PRUNE2: variants seen among roughly 807,000 people sequenced by gnomAD.
PRUNE2 encodes the protein prune homolog 2 with BCH domain.
Under a neutral mutation model 252.0 loss-of-function variants are expected in PRUNE2, and 164 were observed. The observed-to-expected ratio is 0.65, with a 90% CI of 0.57 to 0.74. PRUNE2 has a LOEUF of 0.74. Among genes scored for constraint, PRUNE2 ranks in the 30% least tolerant of loss-of-function variants. The pLI is 0.00. For missense variants in PRUNE2, 3,495 were observed against 3,711.0 expected, an observed-to-expected ratio of 0.94 and a Z score of 1.51; for synonymous variants, 1,292 against 1,350.2, an observed-to-expected ratio of 0.96 and a Z score of 0.94.
chr9:76,619,381 G>C lies in PRUNE2; in HGVS notation c.9195C>G (p.Ser3065Arg), dbSNP rs1436861811. 2 of 1,605,480 alleles carry C rather than the reference G, an allele frequency of 1.2e-6. No individual in the cohort carries two copies. Among genetic ancestry groups the C allele is most frequent in the Non-Finnish European group, 1.7e-6 (2 of 1,174,846 alleles). The change falls in exon 18 of 19, where the codon AGC becomes AGG. Residue 3065 changes from serine (S) to arginine (R), a missense_variant. By Grantham distance (110) the Ser-to-Arg change is moderately radical (BLOSUM62 -1). Coordinates refer to ENST00000376718, the MANE Select transcript of PRUNE2 (RefSeq NM_015225.3). ...LREASEAAKT[S>R]CLYNDPEMSS... ...ACATTTCTGGATCATTGTAAAGGCAGCTAGTTCTGAGTGCAAGGAAAAAAT... is the reference window on the plus strand; with the variant it reads ...ACATTTCTGGATCATTGTAAAGGCACCTAGTTCTGAGTGCAAGGAAAAAAT...
chr9:76,787,643 G>A (rs2055128316), intron 6 of PRUNE2: 1 of 151,646 alleles, frequency 6.6e-6, no homozygotes, highest in South Asian at 2.1e-4. Context: ...ATTTTTTTAA[G>A]GTAGAAAATT....
chr9:76,699,222 A>G (rs1469222599), intron 9 of PRUNE2, among the ~76,000 whole-genome samples: 1 of 152,106 alleles, frequency 6.6e-6, no homozygotes, highest in Non-Finnish European at 1.5e-5. Flanking sequence ...TTTTCATATA[A>G]TTCAGATAGT....
chr9:76,714,691 G>A (rs564792195), intron 6 of PRUNE2, among the ~76,000 whole-genome samples: 172 of 152,256 alleles, frequency 1.1e-3, no homozygotes, highest in African/African-American at 3.8e-3. Context: ...GACCGCACCC[G>A]GTCCGGTCTT....
chr9:76,816,261 A>G (rs976262839), intron 6 of PRUNE2, among the ~76,000 whole-genome samples: 3 of 152,176 alleles, frequency 2.0e-5, no homozygotes, highest in Non-Finnish European at 2.9e-5. Context: ...ACCTACATAC[A>G]AATTGTAAAT....
intron 6 of PRUNE2, among the ~76,000 whole-genome samples, chr9:76,775,078 T>C (rs1178468917): frequency 6.6e-6 from 1 of 152,110 alleles, no homozygotes; most frequent in African/African-American, 2.4e-5. Flanking sequence ...GAAAAAAAAT[T>C]TGCCCTGTTA....
At chr9:76,838,645 CAAAAAAAAAAAA>C (rs10540002) in intron 4 of PRUNE2, among the ~76,000 whole-genome samples, 2 of 84,656 alleles carry the variant, frequency 2.4e-5, no homozygotes, top group Non-Finnish European at 4.9e-5. Context: ...AACTCTGTCT[CAAAAAAAAAAAA>C]AAAAAAAAAA....
chr9:76,758,113 A>C (rs2051330817), intron 6 of PRUNE2, among the ~76,000 whole-genome samples: 1 of 152,246 alleles, frequency 6.6e-6, no homozygotes. Flanking sequence ...ACATTATTCA[A>C]AACTTATAAA....
chr9:76,624,495 A>G lies in PRUNE2; in HGVS notation c.9150-5T>C. ...TCCCTCAGTTCTTCATCCAGTCTGC[A>G]GGAGCAAAAATTATTGGTGTGGAAA... is the stretch of plus-strand genomic sequence containing the variant. On this transcript the variant is annotated splice_polypyrimidine_tract_variant and splice_region_variant and intron_variant, in intron 16 of 18. Transcript: ENST00000376718. 1 of 1,419,876 alleles carries G rather than the reference A, an allele frequency of 7.0e-7. No homozygotes were observed. The highest frequency in any genetic ancestry group is 9.2e-7 in the Non-Finnish European group (1 of 1,082,564). 88.0% of individuals were successfully genotyped at this position (1,419,876 alleles called of 1,614,324 possible).
intron 9 of PRUNE2, among the ~76,000 whole-genome samples, chr9:76,677,713 C>T (rs1177194891): frequency 6.6e-6 from 1 of 152,200 alleles, no homozygotes; most frequent in Non-Finnish European, 1.5e-5. Flanking sequence ...CCCACACAGT[C>T]GCTGCCTGTG....
At chr9:76,733,116 T>C (rs1035958060) in intron 6 of PRUNE2, among the ~76,000 whole-genome samples, 2 of 152,172 alleles carry the variant, frequency 1.3e-5, no homozygotes, top group African/African-American at 4.8e-5. Context: ...GTCTTCTGCC[T>C]GAGTAGCCAC....
chr9:76,689,183 A>G (rs564288533), intron 9 of PRUNE2, among the ~76,000 whole-genome samples: 1 of 152,298 alleles, frequency 6.6e-6, no homozygotes, highest in East Asian at 1.9e-4. Flanking sequence ...TTTCTTAGGG[A>G]TAGCATCCTG....
At chr9:76,715,731 T>A (rs545968942) in intron 6 of PRUNE2, among the ~76,000 whole-genome samples, 1 of 152,332 alleles carries the variant, frequency 6.6e-6, no homozygotes, top group Non-Finnish European at 1.5e-5. Flanking sequence ...TAGAAAGACA[T>A]TAAATATTTA....
intron 6 of PRUNE2, among the ~76,000 whole-genome samples, chr9:76,728,186 C>T (rs2048285173): frequency 6.6e-6 from 1 of 152,138 alleles, no homozygotes; most frequent in Non-Finnish European, 1.5e-5. Flanking sequence ...AGCATTCTTG[C>T]CTGATAACAG....
intron 9 of PRUNE2, among the ~76,000 whole-genome samples, chr9:76,663,244 C>T (rs952002568): frequency 3.9e-5 from 6 of 152,218 alleles, no homozygotes; most frequent in South Asian, 2.1e-4. Flanking sequence ...AGCAACAGTT[C>T]GCTAACCCAG....
intron 9 of PRUNE2, among the ~76,000 whole-genome samples, chr9:76,669,219 T>C (rs1444275472): frequency 6.6e-6 from 1 of 152,030 alleles, no homozygotes. Flanking sequence ...AGAACACCTA[T>C]ACCACCTTGT....
At position 76,706,377 on chromosome 9, in the gene PRUNE2, A is replaced by C. The variant is rs775054394; in HGVS notation, c.5897T>G (p.Val1966Gly). The change falls in exon 8 of 19, where the codon GTC (valine) becomes GGC (glycine). Residue 1966 changes from valine (V) to glycine (G), a missense_variant. Transcript: ENST00000376718. The stretch of plus-strand genomic sequence containing the variant: ...AAAGGCTGTGTCCGGATGATCACAG[A>C]CTGGCAGCATGGTGTCCTGACACTG... The part of the protein sequence containing the change: ...QEQCQDTMLP[V>G]CDHPDTAFTH... 2.5e-6 allele frequency: 4 copies of C among 1,614,026 alleles called. No homozygotes were observed. The highest frequency in any genetic ancestry group is 3.4e-6 in the Non-Finnish European group (4 of 1,179,888).
At position 76,732,037 on chromosome 9, in the gene PRUNE2, G is replaced by A. The variant is rs115808487; in HGVS notation, c.757-18316C>T. ...ATGTCATAGAAAATTACACTTGGCC[G>A]GGCGCGGTGGCTCACGCCTGTAATC... On this transcript the variant is annotated intron_variant, in intron 6 of 18. Transcript: ENST00000376718. 5.7e-3 allele frequency among the ~76,000 whole-genome samples: 874 copies of A among 152,054 alleles called. 9 individuals carry two copies. Among genetic ancestry groups the A allele is most frequent in the African/African-American group, 0.017 (713 of 41,464 alleles).
At chr9:76,719,998 C>A (rs2047489928) in intron 6 of PRUNE2, among the ~76,000 whole-genome samples, 1 of 152,076 alleles carries the variant, frequency 6.6e-6, no homozygotes, top group East Asian at 1.9e-4. Context: ...GATTTGTGGA[C>A]AAAGCTGTTA....
intron 6 of PRUNE2, among the ~76,000 whole-genome samples, chr9:76,794,952 C>T (rs1462248027): frequency 1.3e-5 from 2 of 152,068 alleles, no homozygotes; most frequent in Non-Finnish European, 2.9e-5. Context: ...TTGATGTAGA[C>T]CTACTAGAAG....
Sources: gnomAD v4.1 joint callset for allele counts (sites outside exome capture counted in the v4.1 genomes callset) on GRCh38, gnomAD v4.1.1 for gene constraint, MANE v1.5 for transcripts, NCBI Gene and HGNC (gene_info 2026-07-23, HGNC 2026-07-21) for gene names.